The following FRY variants were observed in gnomAD, a reference collection of about 807,000 sequenced individuals.
The protein encoded by FRY is FRY microtubule binding protein.
A neutral mutation model predicts 348.4 loss-of-function variants in FRY; 128 were observed. That is an observed-to-expected ratio of 0.37 (90% CI 0.32 to 0.43). The LOEUF is 0.43. Among genes scored for constraint, FRY ranks in the 20% least tolerant of loss-of-function variants. The pLI is 1.00. For missense variants in FRY, 2,736 were observed against 3,695.2 expected (o/e 0.74, Z 6.73); for synonymous variants, 1,370 against 1,374.7 (o/e 1.00, Z 0.08).
At chr13:32,252,641 CA>C (rs1404820306) in intron 50 of FRY, among the ~76,000 whole-genome samples, 2 of 150,880 alleles carry the variant, frequency 1.3e-5, no homozygotes, top group Non-Finnish European at 3.0e-5. Flanking sequence ...AAAGAAATAA[CA>C]AACTAATTTC....
chr13:32,274,529 C>A (rs940464943), intron 55 of FRY, among the ~76,000 whole-genome samples: 6 of 151,474 alleles, frequency 4.0e-5, no homozygotes, highest in East Asian at 3.9e-4. Flanking sequence ...ACAGTGAAAC[C>A]CCGTCTCTAC....
In FRY at chr13:32,161,235, A is replaced by C; in HGVS notation, c.1876A>C (p.Ile626Leu). The C allele has an allele frequency of 6.2e-7, 1 of 1,602,116 alleles. No individual in the cohort carries two copies. The highest frequency in any genetic ancestry group is 2.2e-5 in the East Asian group (1 of 44,822). ...LPDGMSKLEL[I>L]DLLARLSIHM... Reference sequence around the variant, plus strand: ...TGATGGGATGTCAAAACTTGAACTTATTGACTTACTGGCTAGGTAGGTGAG... The same window carrying C: ...TGATGGGATGTCAAAACTTGAACTTCTTGACTTACTGGCTAGGTAGGTGAG... The change falls in exon 17 of 61, where the codon ATT becomes CTT. Residue 626 changes from isoleucine (I) to leucine (L), a missense_variant. Coordinates refer to ENST00000542859, the MANE Select transcript of FRY (RefSeq NM_023037.3).
In FRY at chr13:32,228,598, C is replaced by T; in HGVS notation, c.5349C>T (p.Asp1783=). ...TGACCCAGGAGGTAGAAGATGTGGA[C>T]ACAGCTGCTGAAACAGATGAGAAGG... is the stretch of plus-strand genomic sequence containing the variant. ...PQMTQEVEDV[D]TAAETDEKAN... is the part of the protein sequence containing the mutation. The change falls in exon 40 of 61, where the codon GAC becomes GAT. Residue 1783 remains aspartate, a synonymous_variant. Coordinates refer to ENST00000542859, the MANE Select transcript of FRY (RefSeq NM_023037.3). The T allele has an allele frequency of 6.2e-7, 1 of 1,614,104 alleles. No homozygotes were observed. Among genetic ancestry groups the T allele is most frequent in the Non-Finnish European group, 8.5e-7 (1 of 1,179,966 alleles).
intron 1 of FRY, chr13:32,061,308 T>C (rs1479499730): frequency 2.0e-5 from 8 of 410,166 alleles, no homozygotes; most frequent in African/African-American, 1.7e-4. Flanking sequence ...ATAATGCCAT[T>C]GTTCAGAGAC....
At chr13:32,123,076 G>A (rs1434808427) in intron 4 of FRY, among the ~76,000 whole-genome samples, 3 of 152,158 alleles carry the variant, frequency 2.0e-5, no homozygotes, top group African/African-American at 7.2e-5. Flanking sequence ...CCATGCTCAA[G>A]GATAGGTAGA....
chr13:32,204,700 TC>T (rs1304066988), intron 31 of FRY, among the ~76,000 whole-genome samples: 1 of 152,212 alleles, frequency 6.6e-6, no homozygotes, highest in Non-Finnish European at 1.5e-5. Flanking sequence ...GTTAGTCACT[TC>T]TTTGTGTAAT....
intron 17 of FRY, among the ~76,000 whole-genome samples, chr13:32,163,645 C>T (rs1344577665): frequency 6.6e-6 from 1 of 152,160 alleles, no homozygotes; most frequent in African/African-American, 2.4e-5. Flanking sequence ...ATGCAGTGTT[C>T]TCTTTCTGGT....
At chr13:32,179,521 G>T (rs879884633) in intron 22 of FRY, among the ~76,000 whole-genome samples, 154 bp from the exon 23 acceptor site, 3 of 151,602 alleles carry the variant, frequency 2.0e-5, no homozygotes, top group Non-Finnish European at 4.4e-5. Context: ...GTGTGTGTGT[G>T]TGTGTGTGTG....
At chr13:32,195,661 A>G (rs1215753807) in intron 29 of FRY, among the ~76,000 whole-genome samples, 1 of 152,216 alleles carries the variant, frequency 6.6e-6, no homozygotes, top group Non-Finnish European at 1.5e-5. Context: ...CTTAGGGAGC[A>G]CAAATAAGTG....
chr13:32,190,092 T>C (rs1883251773), intron 28 of FRY, among the ~76,000 whole-genome samples: 1 of 151,830 alleles, frequency 6.6e-6, no homozygotes, highest in Non-Finnish European at 1.5e-5. Flanking sequence ...GTTAAAGTTC[T>C]ACATTTATTC....
intron 18 of FRY, among the ~76,000 whole-genome samples, chr13:32,172,965 A>G (rs1032730023): frequency 3.9e-5 from 6 of 152,266 alleles, no homozygotes; most frequent in African/African-American, 1.4e-4. Context: ...GGAGAAATAG[A>G]AAGTAAATGT....
intron 58 of FRY, among the ~76,000 whole-genome samples, chr13:32,283,988 C>G (rs1483334174): frequency 6.6e-6 from 1 of 152,194 alleles, no homozygotes; most frequent in Non-Finnish European, 1.5e-5. Flanking sequence ...GGTCAGGGAA[C>G]AAAGTCTGCA....
At position 32,237,851 on chromosome 13, in the gene FRY, G is replaced by A; in HGVS notation, c.6283G>A (p.Ala2095Thr). The A allele has an allele frequency of 6.2e-7, 1 of 1,614,162 alleles. No homozygotes were observed. Among genetic ancestry groups the A allele is most frequent in the Non-Finnish European group, 8.5e-7 (1 of 1,180,040 alleles). ...LEKLQAQLKW[A>T]DFSGLQQLLL... is the part of the protein sequence containing the mutation. ...GAAACTCCAGGCACAGCTGAAGTGG[G>A]CCGACTTCTCCGGGCTGCAGCAGCT... The change falls in exon 44 of 61, where the codon GCC (alanine) becomes ACC (threonine). Residue 2095 changes from alanine to threonine, a missense_variant. Ala to Thr is a moderately conservative substitution (Grantham distance 58). Transcript: ENST00000542859. The surrounding 1 kb of genome is among the most constrained non-coding windows in gnomAD (Gnocchi z 6.3).
intron 4 of FRY, among the ~76,000 whole-genome samples, chr13:32,118,654 T>C (rs1285836209): frequency 6.6e-6 from 1 of 152,156 alleles, no homozygotes; most frequent in East Asian, 1.9e-4. Context: ...AGTATATAAT[T>C]CAATGTTTTT....
chr13:32,132,837 A>C (rs1879453897), intron 8 of FRY, among the ~76,000 whole-genome samples: 1 of 152,248 alleles, frequency 6.6e-6, no homozygotes, highest in African/African-American at 2.4e-5. Context: ...ATATCCCTAT[A>C]ATGGAATATT....
intron 1 of FRY, among the ~76,000 whole-genome samples, chr13:32,077,193 A>C (rs961685396): frequency 6.6e-6 from 1 of 152,184 alleles, no homozygotes; most frequent in African/African-American, 2.4e-5. Flanking sequence ...AAACTACTAA[A>C]GGCCCTCAAA....
chr13:32,263,325 G>A (rs1214074317), intron 53 of FRY, among the ~76,000 whole-genome samples: 2 of 152,200 alleles, frequency 1.3e-5, no homozygotes, highest in East Asian at 3.9e-4. Flanking sequence ...ATATAATATT[G>A]GCTATTCTAT....
In FRY at chr13:32,209,102, C is replaced by T. The variant is rs202195017; in HGVS notation, c.4268C>T (p.Thr1423Met). Residue 1423 changes from threonine (T) to methionine (M), a missense_variant, in exon 32 of 61, where the codon ACG (threonine) becomes ATG (methionine). This residue lies in a region of FRY where 794 missense variants were observed against 977.0 expected (regional missense o/e 0.81). Transcript: ENST00000542859. ...SLVLNNLMYM[T>M]AKYGDEVPGP... ...GTCCTGAACAACCTCATGTACATGA[C>T]GGCCAAGGTAAACTCAGAGGAATTG... 2.9e-5 allele frequency: 47 copies of T among 1,613,928 alleles called. No homozygotes were observed. The highest frequency in any genetic ancestry group is 5.5e-5 in the South Asian group (5 of 91,086).
chr13:32,116,539 G>A (rs1878312962), intron 3 of FRY, among the ~76,000 whole-genome samples: 1 of 152,028 alleles, frequency 6.6e-6, no homozygotes. Context: ...AGAAATCCTT[G>A]CCTAATACAA....
Sources: gnomAD v4.1 joint callset for allele counts (sites outside exome capture counted in the v4.1 genomes callset) on GRCh38, gnomAD v4.1.1 for gene constraint, gnomAD v4.1.1 regional missense constraint, Gnocchi (gnomAD v3.1) non-coding constraint, MANE v1.5 for transcripts, NCBI Gene and HGNC (gene_info 2026-07-23, HGNC 2026-07-21) for gene names.